Variants in R3HDM1 observed in about 807,000 individuals in gnomAD.
R3HDM1 encodes the protein R3H domain-containing protein 1.
R3HDM1 carries 46 observed loss-of-function variants against 141.1 expected under a neutral mutation model. That is an observed-to-expected ratio of 0.33 (90% confidence interval 0.26 to 0.42). The LOEUF (loss-of-function observed/expected upper bound fraction) is 0.42, where lower values mean the gene tolerates loss of function less well. Ranked by LOEUF, R3HDM1 falls within the 10% of genes least tolerant of loss-of-function variation. The probability of loss-of-function intolerance (pLI) is 1.00; values close to 1 mark genes in which losing one functional copy is unlikely to be tolerated. For synonymous variants in R3HDM1, 435 were observed against 472.9 expected, an observed-to-expected ratio of 0.92 and a Z score of 1.04; for missense variants, 1,184 against 1,368.3, an observed-to-expected ratio of 0.87 and a Z score of 2.12.
chr2:135,683,953 A>AATACATACATACATACATAC (rs3074523), intron 21 of R3HDM1, among the ~76,000 whole-genome samples: 4 of 147,984 alleles, frequency 2.7e-5, no homozygotes, highest in Middle Eastern at 3.5e-3. Context: ...CTGTCTCATA[A>AATACATACATACATACATAC]ATACATACAT....
At position 135,639,131 on chromosome 2, in the gene R3HDM1, A is replaced by G. The variant is rs1228203566; in HGVS notation, c.1219+9A>G. 6.2e-7 allele frequency: 1 copy of G among 1,612,432 alleles called. No homozygotes were observed. The highest frequency in any genetic ancestry group is 8.5e-7 in the Non-Finnish European group (1 of 1,178,484). ...CAGGCTTTCAAAAACAGGTATAAAT[A>G]TCTACACAAAACTGTGCAGTCAAGT... On this transcript the variant is annotated intron_variant, in intron 14 of 26. Transcript: ENST00000683871.
chr2:135,722,273 C>G (rs955008375), intron 25 of R3HDM1, among the ~76,000 whole-genome samples, 196 bp from the exon 26 acceptor site: 1 of 152,160 alleles, frequency 6.6e-6, no homozygotes, highest in African/African-American at 2.4e-5. Context: ...AATGAAGGAC[C>G]GTCAGCAAGT....
intron 18 of R3HDM1, among the ~76,000 whole-genome samples, chr2:135,656,235 T>A (rs969350333): frequency 1.3e-5 from 2 of 152,224 alleles, no homozygotes; most frequent in South Asian, 4.1e-4. Context: ...AAATGGTAGA[T>A]CTTTTTCTAT....
At chr2:135,553,549 C>G (rs1170411258) in intron 1 of R3HDM1, among the ~76,000 whole-genome samples, 3 of 152,058 alleles carry the variant, frequency 2.0e-5, no homozygotes, top group Non-Finnish European at 4.4e-5. Context: ...AGCTGATGCC[C>G]GATCAAGCAC....
At chr2:135,699,017 A>T (rs1256289612) in intron 21 of R3HDM1, among the ~76,000 whole-genome samples, 3 of 112,986 alleles carry the variant, frequency 2.7e-5, no homozygotes, top group African/African-American at 9.5e-5. Context: ...ATAGATAGAT[A>T]GATAGATAGA....
At chr2:135,624,952 G>A (rs1559276707) in intron 7 of R3HDM1, among the ~76,000 whole-genome samples, 2 of 152,198 alleles carry the variant, frequency 1.3e-5, no homozygotes, top group East Asian at 3.9e-4. Flanking sequence ...ACAGGGCCTG[G>A]TGGCATGTGC....
intron 1 of R3HDM1, among the ~76,000 whole-genome samples, chr2:135,546,156 C>T (rs1221470111): frequency 6.6e-6 from 1 of 152,196 alleles, no homozygotes; most frequent in Non-Finnish European, 1.5e-5. Flanking sequence ...GAATGTTTGT[C>T]TCCACATTGT....
intron 21 of R3HDM1, among the ~76,000 whole-genome samples, chr2:135,702,217 GAAAAAAAAAAAA>G (rs35183953): frequency 9.0e-4 from 109 of 120,742 alleles, no homozygotes; most frequent in East Asian, 2.0e-3. Context: ...GTCTCAGGGG[GAAAAAAAAAAAA>G]AAAAAAAAAA....
intron 1 of R3HDM1, among the ~76,000 whole-genome samples, chr2:135,579,078 G>A (rs1706174420): frequency 6.6e-6 from 1 of 152,066 alleles, no homozygotes; most frequent in Non-Finnish European, 1.5e-5. Context: ...ATTAGTGTTC[G>A]GATCTTCTTT....
At position 135,604,173 on chromosome 2, in the gene R3HDM1, A is replaced by AT. The variant is rs2059853206; in HGVS notation, c.-40-630dup. On this transcript the variant is annotated intron_variant, in intron 2 of 26. Coordinates refer to ENST00000683871, the MANE Select transcript of R3HDM1 (RefSeq NM_001378107.1). ...TTGCTGAACATATTTGTTAATCCAG[A>AT]TTTACAAGTGTATTTTGTAATAGAA... Among the ~76,000 whole-genome samples the AT allele has an allele frequency of 3.9e-5, 6 of 152,250 alleles. No individual in the cohort carries two copies. The South Asian group carries it at 1.2e-3, about 32-fold the overall frequency.
intron 1 of R3HDM1, among the ~76,000 whole-genome samples, chr2:135,550,730 CT>C (rs1699686251): frequency 6.6e-6 from 1 of 152,072 alleles, no homozygotes; most frequent in Non-Finnish European, 1.5e-5. Flanking sequence ...TGCCTTCTTT[CT>C]TTTTTCTCCT....
At chr2:135,585,676 G>A (rs1707737598) in intron 1 of R3HDM1, among the ~76,000 whole-genome samples, 1 of 152,042 alleles carries the variant, frequency 6.6e-6, no homozygotes, top group South Asian at 2.1e-4. Flanking sequence ...TTTAAATTTG[G>A]TTTTGGTTGA....
At chr2:135,539,292 A>G (rs911051296) in intron 1 of R3HDM1, among the ~76,000 whole-genome samples, 1 of 152,204 alleles carries the variant, frequency 6.6e-6, no homozygotes, top group Admixed American at 6.5e-5. Flanking sequence ...CGTGCTGTAC[A>G]TATGTATGTG....
chr2:135,616,620 G>A (rs2061044245), intron 4 of R3HDM1, 48 bp from the exon 5 acceptor site: 1 of 1,439,608 alleles, frequency 6.9e-7, no homozygotes, highest in South Asian at 1.2e-5. Context: ...TTTTGGATAT[G>A]CCCTAGATTT....
Position 135,563,786 on chromosome 2 carries a change from G to A in R3HDM1, c.-250+32153G>A, listed in dbSNP as rs1418502640. Among the ~76,000 whole-genome samples, 4 of 152,056 alleles carry A rather than the reference G, an allele frequency of 2.6e-5. No individual in the cohort carries two copies. In the East Asian group the frequency reaches 7.7e-4, roughly 29 times the overall value. On this transcript the variant is annotated intron_variant, in intron 1 of 26. Coordinates refer to ENST00000683871, the MANE Select transcript of R3HDM1 (RefSeq NM_001378107.1). ...ATTCTATATGTGTTAGTCCATTTTT[G>A]CATTGCTATAAAGGAATACCTGAGC...
At chr2:135,554,504 C>A (rs1700371104) in intron 1 of R3HDM1, among the ~76,000 whole-genome samples, 1 of 152,158 alleles carries the variant, frequency 6.6e-6, no homozygotes, top group Non-Finnish European at 1.5e-5. Flanking sequence ...TGTATGTTTT[C>A]ATATCTCTTG....
At chr2:135,592,587 A>G (rs534214742) in intron 1 of R3HDM1, among the ~76,000 whole-genome samples, 15 of 152,304 alleles carry the variant, frequency 9.8e-5, no homozygotes, top group African/African-American at 2.6e-4. Context: ...GTTTTCTCTT[A>G]CATGCCTGTT....
At chr2:135,535,395 A>C (rs955612033) in intron 1 of R3HDM1, among the ~76,000 whole-genome samples, 1 of 152,012 alleles carries the variant, frequency 6.6e-6, no homozygotes, top group Non-Finnish European at 1.5e-5. Flanking sequence ...GCTACTCGGG[A>C]GGCTGAGGCA....
chr2:135,562,160 A>G (rs1701919759), intron 1 of R3HDM1, among the ~76,000 whole-genome samples: 1 of 152,220 alleles, frequency 6.6e-6, no homozygotes, highest in South Asian at 2.1e-4. Context: ...TCTGTCTTTT[A>G]TAAATTTTCT....
Sources: allele counts gnomAD v4.1 joint callset (sites outside exome capture counted in the v4.1 genomes callset), GRCh38; gene constraint gnomAD v4.1.1; transcripts MANE v1.5; gene names NCBI Gene and HGNC (gene_info 2026-07-23, HGNC 2026-07-21).